The following USH2A variants were observed in gnomAD, a reference collection of about 807,000 sequenced individuals.
The protein encoded by USH2A is Usher syndrome 2A (autosomal recessive, mild).
In USH2A, 443 loss-of-function variants were observed where a neutral mutation model predicts 538.9. The observed-to-expected ratio is 0.82, with a 90% CI of 0.76 to 0.89. The LOEUF (loss-of-function observed/expected upper bound fraction) is 0.89, where lower values mean the gene tolerates loss of function less well. USH2A is among the 40% of genes least tolerant of loss of function. The pLI is 0.00. For synonymous variants in USH2A, 2,413 were observed against 2,273.5 expected (o/e 1.06, Z -1.75); for missense variants, 6,633 against 6,324.8 (o/e 1.05, Z -1.65).
chr1:216,142,881 TCCC>T (rs1029753212), intron 21 of USH2A, among the ~76,000 whole-genome samples: 5 of 152,056 alleles, frequency 3.3e-5, no homozygotes, highest in Non-Finnish European at 5.9e-5. Context: ...AACCTGAATT[TCCC>T]CCCACGTGTT....
intron 9 of USH2A, among the ~76,000 whole-genome samples, chr1:216,315,371 T>A (rs1319209765): frequency 6.6e-6 from 1 of 152,122 alleles, no homozygotes; most frequent in Non-Finnish European, 1.5e-5. Flanking sequence ...CAAATAACAC[T>A]ATGCTAAGAA....
At chr1:215,730,603 T>C (rs1659967235) in intron 60 of USH2A, among the ~76,000 whole-genome samples, 1 of 152,116 alleles carries the variant, frequency 6.6e-6, no homozygotes, top group African/African-American at 2.4e-5. Context: ...ATGTAAAGGG[T>C]TATTAAGACA....
rs780960801 is a variant in USH2A at position 216,325,455 on chromosome 1, T to C, written c.993A>G (p.Arg331=). Reference sequence around the variant, plus strand: ...GGGCTTCAGGATTCAACCGTGACACTCTATTATCAGCTGTGTCTCCTGCAT... The same window carrying C: ...GGGCTTCAGGATTCAACCGTGACACCCTATTATCAGCTGTGTCTCCTGCAT... ...PNDAGDTADN[R]VSRLNPEAHP... Residue 331 remains arginine (R), a synonymous_variant, in exon 6 of 72, where the codon AGA becomes AGG. Coordinates refer to ENST00000307340, the MANE Select transcript of USH2A (RefSeq NM_206933.4). 6.2e-7 allele frequency: 1 copy of C among 1,613,774 alleles called. No homozygotes were observed. The highest frequency in any genetic ancestry group is 8.5e-7 in the Non-Finnish European group (1 of 1,179,908).
intron 50 of USH2A, 41 bp downstream of exon 50, chr1:215,798,866 C>T (rs757006302): frequency 6.2e-7 from 1 of 1,611,702 alleles, no homozygotes; most frequent in South Asian, 1.1e-5. Flanking sequence ...CTCTGCTTCT[C>T]AGATCCTCCA....
intron 20 of USH2A, among the ~76,000 whole-genome samples, chr1:216,183,454 AT>A (rs1193257722): frequency 1.3e-5 from 2 of 151,972 alleles, no homozygotes; most frequent in Non-Finnish European, 2.9e-5. Flanking sequence ...TAAAAAATGG[AT>A]TCTTTTTTTT....
At chr1:215,722,029 C>T (rs1659677381) in intron 61 of USH2A, among the ~76,000 whole-genome samples, 1 of 149,502 alleles carries the variant, frequency 6.7e-6, no homozygotes, top group Non-Finnish European at 1.5e-5. Context: ...GGTGCCACTG[C>T]ACTGCAGCCT....
intron 40 of USH2A, among the ~76,000 whole-genome samples, chr1:215,890,587 G>T (rs997208927): frequency 2.0e-5 from 3 of 152,138 alleles, no homozygotes; most frequent in African/African-American, 7.2e-5. Flanking sequence ...AAAACCAGCA[G>T]TCATGGTATA....
chr1:215,639,594 G>C (rs1341483086), intron 68 of USH2A, among the ~76,000 whole-genome samples: 3 of 152,158 alleles, frequency 2.0e-5, no homozygotes, highest in African/African-American at 7.2e-5. Context: ...AAATGACCTA[G>C]AGTTTCTTAC....
intron 40 of USH2A, among the ~76,000 whole-genome samples, chr1:215,892,727 G>A (rs1665239784): frequency 6.6e-6 from 1 of 152,040 alleles, no homozygotes; most frequent in South Asian, 2.1e-4. Flanking sequence ...ATTAAGAATG[G>A]GCACTGCAGT....
In USH2A at chr1:216,176,364, T is replaced by G. The variant is rs577013811; in HGVS notation, c.4397-882A>C. Among the ~76,000 whole-genome samples the G allele has an allele frequency of 8.2e-4, 125 of 152,142 alleles. 2 individuals are homozygous for G. In the South Asian group the frequency reaches 0.025, roughly 31 times the overall value. Reference sequence around the variant, plus strand: ...AATCTTCCTGTCTCAGCCTCCCAAGTAGCTGGGACTACAGACAGGTGCCAC... The same window carrying G: ...AATCTTCCTGTCTCAGCCTCCCAAGGAGCTGGGACTACAGACAGGTGCCAC... On this transcript the variant is annotated intron_variant, in intron 20 of 71. Transcript: ENST00000307340.
chr1:216,270,334 G>A (rs1208894157), intron 11 of USH2A, among the ~76,000 whole-genome samples: 1 of 152,138 alleles, frequency 6.6e-6, no homozygotes, highest in Non-Finnish European at 1.5e-5. Context: ...TTGAGTGTTA[G>A]TTTAAGTGTT....
chr1:216,053,764 A>C (rs935222221), intron 30 of USH2A, among the ~76,000 whole-genome samples: 1 of 152,202 alleles, frequency 6.6e-6, no homozygotes, highest in African/African-American at 2.4e-5. Flanking sequence ...ATTTTGCATT[A>C]ATGCCTAACA....
chr1:216,354,894 T>A (rs2038355194), intron 4 of USH2A, among the ~76,000 whole-genome samples: 1 of 152,000 alleles, frequency 6.6e-6, no homozygotes, highest in African/African-American at 2.4e-5. Flanking sequence ...AACACCAACG[T>A]ACATATCCAA....
chr1:216,091,762 G>C (rs760112600), intron 22 of USH2A, among the ~76,000 whole-genome samples: 4 of 152,152 alleles, frequency 2.6e-5, no homozygotes, highest in Non-Finnish European at 4.4e-5. Flanking sequence ...ATATGTGCTA[G>C]ATAACTACTT....
At chr1:215,626,123 T>A (rs1656014844) in intron 71 of USH2A, among the ~76,000 whole-genome samples, 1 of 151,742 alleles carries the variant, frequency 6.6e-6, no homozygotes, top group Admixed American at 6.6e-5. Context: ...TGTCATATTT[T>A]AACCTAAGCC....
At chr1:216,143,038 G>A (rs553325321) in intron 21 of USH2A, among the ~76,000 whole-genome samples, 106 of 152,006 alleles carry the variant, frequency 7.0e-4, no homozygotes, top group African/African-American at 2.5e-3. Flanking sequence ...ACATTCTCAC[G>A]TCTCTCAGCC....
chr1:215,669,642 C>G (rs1205450678), intron 64 of USH2A, among the ~76,000 whole-genome samples: 2 of 151,962 alleles, frequency 1.3e-5, no homozygotes, highest in African/African-American at 4.8e-5. Flanking sequence ...GGTTTTGTTG[C>G]CAAATGACTT....
Position 216,078,307 on chromosome 1 carries a change from G to A in USH2A, c.5354C>T (p.Thr1785Ile). ...TAGCCCCAGCAATAGATCCACTTGT[G>A]TAAAGGCAAGACTGGTATTTAACCG... is the stretch of plus-strand genomic sequence containing the variant. ...TFRLNTSLAF[T>I]QVDLLLGLSY... The change falls in exon 27 of 72, where the codon ACA becomes ATA. Residue 1785 changes from threonine (T) to isoleucine (I), a missense_variant. Transcript: ENST00000307340. 6.2e-7 allele frequency: 1 copy of A among 1,613,668 alleles called. No homozygotes were observed. The highest frequency in any genetic ancestry group is 1.1e-5 in the South Asian group (1 of 91,082).
intron 11 of USH2A, among the ~76,000 whole-genome samples, chr1:216,255,631 G>C (rs2036243464): frequency 6.6e-6 from 1 of 152,058 alleles, no homozygotes; most frequent in Non-Finnish European, 1.5e-5. Flanking sequence ...ATTGAGGCTT[G>C]TGTTATGGTT....
Sources: gnomAD v4.1 joint callset for allele counts (sites outside exome capture counted in the v4.1 genomes callset) on GRCh38, gnomAD v4.1.1 for gene constraint, MANE v1.5 for transcripts, NCBI Gene and HGNC (gene_info 2026-07-23, HGNC 2026-07-21) for gene names.